The following INPP5F variants were observed in gnomAD, a reference collection of about 807,000 sequenced individuals.
INPP5F encodes the protein inositol polyphosphate-5-phosphatase F, also known as phosphatidylinositide 4-phosphatase SAC2.
In INPP5F, 97 loss-of-function variants were observed where a neutral mutation model predicts 137.2. The ratio of observed to expected loss-of-function variants is 0.71; its 90% CI spans 0.60 to 0.84. The LOEUF (loss-of-function observed/expected upper bound fraction) is 0.84. INPP5F is among the 40% of genes least tolerant of loss of function. INPP5F has a pLI of 0.00. For missense variants in INPP5F, 1,271 were observed against 1,371.9 expected, an observed-to-expected ratio of 0.93 and a Z score of 1.16; for synonymous variants, 504 against 476.9, an observed-to-expected ratio of 1.06 and a Z score of -0.74.
At position 119,759,174 on chromosome 10, in the gene INPP5F, C is replaced by T. The variant is rs548151849; in HGVS notation, c.178+8018C>T. 1.1e-3 allele frequency among the ~76,000 whole-genome samples: 170 copies of T among 152,258 alleles called. 1 individual carries two copies. The highest frequency in any genetic ancestry group is 4.0e-3 in the African/African-American group (166 of 41,544). ...CTGTGTATATACAGGCACGTACCACCGTGCCCAGCTAATTTTTGTATTTTT... is the reference window on the plus strand; with the variant it reads ...CTGTGTATATACAGGCACGTACCACTGTGCCCAGCTAATTTTTGTATTTTT... On this transcript the variant is annotated intron_variant, in intron 2 of 19. Coordinates refer to ENST00000650623, the MANE Select transcript of INPP5F (RefSeq NM_014937.4).
chr10:119,731,903 G>T (rs928679042), intron 1 of INPP5F, among the ~76,000 whole-genome samples: 1 of 152,046 alleles, frequency 6.6e-6, no homozygotes, highest in Non-Finnish European at 1.5e-5. Flanking sequence ...GGGTTGAATA[G>T]ATCTGTATGT....
intron 6 of INPP5F, among the ~76,000 whole-genome samples, chr10:119,793,394 T>TAAAACAAAACAAAAC (rs59082717): frequency 1.2e-4 from 18 of 149,618 alleles, no homozygotes; most frequent in African/African-American, 2.2e-4. Flanking sequence ...GCAGGCTGCA[T>TAAAACAAAACAAAAC]AAAACAAAAC....
At chr10:119,771,855 T>C (rs952367340) in intron 2 of INPP5F, among the ~76,000 whole-genome samples, 15 of 7,044 alleles carry the variant, frequency 2.1e-3, no homozygotes, top group African/African-American at 6.4e-3. Context: ...GATATATATA[T>C]ATATATATAT....
In INPP5F at chr10:119,806,483, A is replaced by G. The variant is rs1477743248; in HGVS notation, c.1440+3A>G. 4.4e-6 allele frequency: 7 copies of G among 1,590,582 alleles called. No homozygotes were observed. The Admixed American group carries it at 1.3e-4, about 30-fold the overall frequency. On this transcript the variant is annotated splice_donor_region_variant and intron_variant, in intron 12 of 19. Coordinates refer to ENST00000650623, the MANE Select transcript of INPP5F (RefSeq NM_014937.4). ...CGAGAGTGGTCATGGAACAGCAGGT[A>G]ATTTGGAGTCTGTTGGATTGCAAAT...
intron 2 of INPP5F, among the ~76,000 whole-genome samples, chr10:119,776,708 CAGAG>C (rs1470473203): frequency 6.6e-6 from 1 of 150,838 alleles, no homozygotes; most frequent in Admixed American, 6.6e-5. Context: ...GTGTGACCCA[CAGAG>C]AGAGAGAGAA....
At chr10:119,751,925 CT>C (rs1848702056) in intron 2 of INPP5F, among the ~76,000 whole-genome samples, 1 of 152,168 alleles carries the variant, frequency 6.6e-6, no homozygotes, top group Non-Finnish European at 1.5e-5. Context: ...GCCACCATGC[CT>C]GGCCTAAATG....
Position 119,822,413 on chromosome 10 carries a change from T to G in INPP5F, c.1959-18T>G. 1.5e-6 allele frequency: 2 copies of G among 1,355,622 alleles called. No homozygotes were observed. Among genetic ancestry groups the G allele is most frequent in the Non-Finnish European group, 2.0e-6 (2 of 975,806 alleles). 84.0% of individuals were successfully genotyped at this position (1,355,622 alleles called of 1,614,324 possible). The stretch of plus-strand genomic sequence containing the variant: ...TTTTGATTTAAATCCTCTTTTAACT[T>G]CATTTCCTTTTATCTAGTTATGATG... On this transcript the variant is annotated intron_variant, in intron 16 of 19. Transcript: ENST00000650623.
intron 1 of INPP5F, among the ~76,000 whole-genome samples, chr10:119,742,941 G>A (rs1354238823): frequency 2.0e-5 from 3 of 152,122 alleles, no homozygotes; most frequent in African/African-American, 7.2e-5. Context: ...GCCATGAGCC[G>A]AGATCGCGCC....
intron 2 of INPP5F, among the ~76,000 whole-genome samples, chr10:119,754,489 A>C (rs963246254): frequency 2.6e-5 from 4 of 152,198 alleles, no homozygotes; most frequent in Non-Finnish European, 4.4e-5. Context: ...ATATTTTGAA[A>C]GAAGGGAGAG....
intron 2 of INPP5F, among the ~76,000 whole-genome samples, chr10:119,780,252 T>C (rs1849658389): frequency 6.6e-6 from 1 of 152,174 alleles, no homozygotes; most frequent in Non-Finnish European, 1.5e-5. Context: ...TAGTACACTC[T>C]AGGTATTCTT....
chr10:119,802,033 A>G (rs889833025), intron 9 of INPP5F, among the ~76,000 whole-genome samples: 6 of 152,164 alleles, frequency 3.9e-5, no homozygotes, highest in Admixed American at 6.6e-5. Flanking sequence ...TGACTCAGCC[A>G]TGGTGGTCCC....
chr10:119,766,945 A>C lies in INPP5F; in HGVS notation c.179-14690A>C, dbSNP rs1010438985. Reference sequence around the variant, plus strand: ...CATGGTAAAACACTGTCTCTACTAAAAATATGAAAATTAGCCAGGCGTGGT... The same window carrying C: ...CATGGTAAAACACTGTCTCTACTAACAATATGAAAATTAGCCAGGCGTGGT... On this transcript the variant is annotated intron_variant, in intron 2 of 19. Transcript: ENST00000650623. 3.3e-5 allele frequency among the ~76,000 whole-genome samples: 5 copies of C among 151,826 alleles called. No homozygotes were observed. In the South Asian group the frequency reaches 8.3e-4, roughly 25 times the overall value.
intron 1 of INPP5F, among the ~76,000 whole-genome samples, chr10:119,736,287 A>T (rs1050812523): frequency 6.6e-6 from 1 of 152,218 alleles, no homozygotes; most frequent in African/African-American, 2.4e-5. Flanking sequence ...GAGTTTGGAA[A>T]GTTGTAATTT....
chr10:119,765,281 T>C (rs1174784536), intron 2 of INPP5F, among the ~76,000 whole-genome samples: 1 of 152,134 alleles, frequency 6.6e-6, no homozygotes, highest in Non-Finnish European at 1.5e-5. Flanking sequence ...GCATACAAAA[T>C]ATGTGTTAAT....
chr10:119,737,775 T>C (rs1441496995), intron 1 of INPP5F, among the ~76,000 whole-genome samples: 1 of 152,252 alleles, frequency 6.6e-6, no homozygotes, highest in East Asian at 1.9e-4. Context: ...AGTTTCTCAT[T>C]CTAAAACCCT....
At chr10:119,817,624 G>T (rs1446975744) in intron 15 of INPP5F, among the ~76,000 whole-genome samples, 4 of 151,904 alleles carry the variant, frequency 2.6e-5, no homozygotes, top group Non-Finnish European at 5.9e-5. Context: ...GTACTTGTTG[G>T]CTATTTCTGT....
At chr10:119,760,924 A>C (rs1848991602) in intron 2 of INPP5F, among the ~76,000 whole-genome samples, 2 of 152,356 alleles carry the variant, frequency 1.3e-5, no homozygotes, top group East Asian at 3.9e-4. Context: ...TTCAATAAAC[A>C]TATAGGAAAA....
intron 2 of INPP5F, among the ~76,000 whole-genome samples, chr10:119,779,428 A>AT (rs1849633957): frequency 6.6e-6 from 1 of 151,616 alleles, no homozygotes; most frequent in Non-Finnish European, 1.5e-5. Context: ...TTTTATTTTT[A>AT]TTTTTTTATG....
intron 16 of INPP5F, 25 bp downstream of exon 16, chr10:119,820,942 T>G: frequency 6.9e-7 from 1 of 1,455,358 alleles, no homozygotes; most frequent in South Asian, 1.2e-5. Context: ...GATTTAAAGG[T>G]TTTGATTTTG....
Sources: gnomAD v4.1 joint callset for allele counts (sites outside exome capture counted in the v4.1 genomes callset) on GRCh38, gnomAD v4.1.1 for gene constraint, MANE v1.5 for transcripts, NCBI Gene and HGNC (gene_info 2026-07-23, HGNC 2026-07-21) for gene names.